Variants in PEX5L observed in about 807,000 individuals in gnomAD.
PEX5L encodes PEX5-related protein.
A neutral mutation model predicts 84.0 loss-of-function variants in PEX5L; 30 were observed. The observed-to-expected ratio is 0.36, with a 90% confidence interval of 0.27 to 0.48. PEX5L has a LOEUF of 0.48. Among genes scored for constraint, PEX5L ranks in the 20% least tolerant of loss-of-function variants. PEX5L has a pLI of 0.99. For missense variants in PEX5L, 533 were observed against 754.6 expected (o/e 0.71, Z 3.44); for synonymous variants, 270 against 283.1 (o/e 0.95, Z 0.46).
chr3:179,819,485 G>T (rs144555749), intron 9 of PEX5L, among the ~76,000 whole-genome samples: 93 of 152,258 alleles, frequency 6.1e-4, no homozygotes, highest in African/African-American at 2.1e-3. Flanking sequence ...CACTTCTGTT[G>T]TTGGTAAATC....
At chr3:179,850,030 T>G (rs564566265) in intron 8 of PEX5L, among the ~76,000 whole-genome samples, 1 of 152,200 alleles carries the variant, frequency 6.6e-6, no homozygotes, top group African/African-American at 2.4e-5. Context: ...CAACTACCCA[T>G]AATTCTGACC....
chr3:179,950,001 A>C (rs965404267), intron 2 of PEX5L, among the ~76,000 whole-genome samples: 2 of 152,106 alleles, frequency 1.3e-5, no homozygotes, highest in African/African-American at 4.8e-5. Flanking sequence ...TTCCCCCACC[A>C]TCAGCCTTTG....
chr3:179,812,183 A>G (rs1436068299), intron 10 of PEX5L, among the ~76,000 whole-genome samples: 1 of 152,228 alleles, frequency 6.6e-6, no homozygotes, highest in African/African-American at 2.4e-5. Flanking sequence ...ATAAATATAT[A>G]AAATTATACG....
At position 179,798,391 on chromosome 3, in the gene PEX5L, T is replaced by A. The variant is rs1480079271; in HGVS notation, c.*3437A>T. 1 of 152,190 alleles carries A rather than the reference T, an allele frequency of 6.6e-6. No homozygotes were observed. Among genetic ancestry groups the A allele is most frequent in the African/African-American group, 2.4e-5 (1 of 41,434 alleles). 9.4% of individuals were successfully genotyped at this position (152,190 alleles called of 1,614,324 possible). A position where few individuals can be genotyped will look rare whatever the true frequency, so the allele number is the denominator to read the frequency against. On this transcript the variant is annotated 3_prime_UTR_variant, in exon 15 of 15. Coordinates refer to ENST00000467460, the MANE Select transcript of PEX5L (RefSeq NM_016559.3). ...AGTAAAGGGAATGAATCAGTATGAT[T>A]GGCCCAGTGAGAGGGATTTTTATTC... is the stretch of plus-strand genomic sequence containing the variant.
At chr3:179,843,119 C>CT (rs36008731) in intron 8 of PEX5L, among the ~76,000 whole-genome samples, 4 of 152,108 alleles carry the variant, frequency 2.6e-5, no homozygotes, top group Non-Finnish European at 4.4e-5. Flanking sequence ...TTGGAATATT[C>CT]TTTTTTAGTG....
rs565537408 is a variant in PEX5L at position 179,888,333 on chromosome 3, A to C, written c.199-549T>G. 49 of 314,026 alleles carry C rather than the reference A, an allele frequency of 1.6e-4. No homozygotes were observed. The East Asian group carries it at 3.7e-3, about 23-fold the overall frequency. 19.5% of individuals were successfully genotyped at this position (314,026 alleles called of 1,614,324 possible). A position where few individuals can be genotyped will look rare whatever the true frequency, so the allele number is the denominator to read the frequency against. On this transcript the variant is annotated intron_variant, in intron 3 of 14. Transcript: ENST00000467460. The stretch of plus-strand genomic sequence containing the variant: ...TTTCCTTGGAATGCTTTTGTATTAC[A>C]TAACAAATATTATTTTGGGAGAGTA...
At chr3:179,982,908 G>T (rs1786463611) in intron 1 of PEX5L, among the ~76,000 whole-genome samples, 1 of 151,780 alleles carries the variant, frequency 6.6e-6, no homozygotes, top group East Asian at 1.9e-4. Context: ...AATGATCAAA[G>T]TATCATTTTT....
intron 8 of PEX5L, among the ~76,000 whole-genome samples, chr3:179,826,728 T>C (rs1164410498): frequency 6.6e-6 from 1 of 152,162 alleles, no homozygotes; most frequent in Non-Finnish European, 1.5e-5. Flanking sequence ...CCTGAATGGG[T>C]TTCTTTTTCT....
chr3:179,950,756 G>A (rs529644531), intron 2 of PEX5L, among the ~76,000 whole-genome samples: 8 of 152,312 alleles, frequency 5.3e-5, no homozygotes, highest in African/African-American at 1.9e-4. Context: ...GGCACTGCAC[G>A]TAAGTCCCAA....
At position 179,797,605 on chromosome 3, in the gene PEX5L, A is replaced by AATATATATATATAT. The variant is rs568586727; in HGVS notation, c.*4209_*4222dup. On this transcript the variant is annotated 3_prime_UTR_variant, in exon 15 of 15. Coordinates refer to ENST00000467460, the MANE Select transcript of PEX5L (RefSeq NM_016559.3). ...AACACTCTTTAAAAAAAAAAAAAAA[A>AATATATATATATAT]ATATATATATATATATATATATATA... 3.4e-5 allele frequency: 3 copies of AATATATATATATAT among 89,174 alleles called. No homozygotes were observed. The highest frequency in any genetic ancestry group is 1.4e-4 in the African/African-American group (3 of 22,200). 5.5% of individuals were successfully genotyped at this position (89,174 alleles called of 1,614,324 possible). A position where few individuals can be genotyped will look rare whatever the true frequency, so the allele number is the denominator to read the frequency against.
intron 8 of PEX5L, among the ~76,000 whole-genome samples, chr3:179,856,927 G>A (rs1202368532): frequency 6.6e-6 from 1 of 152,236 alleles, no homozygotes; most frequent in East Asian, 1.9e-4. Context: ...AACTAAAGTA[G>A]AATGAACAAG....
intron 1 of PEX5L, among the ~76,000 whole-genome samples, chr3:180,027,915 T>C (rs1791111115): frequency 6.6e-6 from 1 of 152,180 alleles, no homozygotes; most frequent in African/African-American, 2.4e-5. Context: ...TTTCTCATAA[T>C]TAGACTCAGG....
intron 1 of PEX5L, chr3:179,973,942 A>G (rs1326078044): frequency 3.0e-6 from 3 of 985,398 alleles, no homozygotes; most frequent in Non-Finnish European, 3.6e-6. Flanking sequence ...GAATTAAGCA[A>G]TATTTTCTAG....
intron 2 of PEX5L, among the ~76,000 whole-genome samples, chr3:179,951,585 T>G (rs1196221682): frequency 6.6e-6 from 1 of 152,220 alleles, no homozygotes; most frequent in Non-Finnish European, 1.5e-5. Context: ...TTTTAGAATA[T>G]GAGGACTAGG....
At chr3:179,917,037 TAAA>T (rs1467493619) in intron 2 of PEX5L, among the ~76,000 whole-genome samples, 1 of 116,432 alleles carries the variant, frequency 8.6e-6, no homozygotes, top group Non-Finnish European at 1.9e-5. Context: ...TGTATGGCTG[TAAA>T]AAAATATATT....
At chr3:179,953,615 A>G (rs1779697241) in intron 2 of PEX5L, among the ~76,000 whole-genome samples, 1 of 152,190 alleles carries the variant, frequency 6.6e-6, no homozygotes. Flanking sequence ...GGGCTGTATC[A>G]TTCATAAGTG....
In PEX5L at chr3:179,802,408, C is replaced by A. The variant is rs1301183724; in HGVS notation, c.1677-376G>T. ...AAAATAGCCAGGTGTAGTGGCATGC[C>A]CCTGTAATCCCAGCTACTAGGGAGG... On this transcript the variant is annotated intron_variant, in intron 14 of 14. Coordinates refer to ENST00000467460, the MANE Select transcript of PEX5L (RefSeq NM_016559.3). Among the ~76,000 whole-genome samples the A allele has an allele frequency of 4.6e-5, 7 of 151,096 alleles. No individual in the cohort carries two copies. The East Asian group carries it at 1.4e-3, about 29-fold the overall frequency.
chr3:179,875,173 A>T (rs1751921927), intron 6 of PEX5L, among the ~76,000 whole-genome samples, 181 bp downstream of exon 6: 1 of 151,700 alleles, frequency 6.6e-6, no homozygotes, highest in African/African-American at 2.4e-5. Context: ...ACTGAGTTGC[A>T]TTGATTTTTG....
chr3:179,914,095 T>C (rs1766143951), intron 2 of PEX5L, among the ~76,000 whole-genome samples: 1 of 152,206 alleles, frequency 6.6e-6, no homozygotes, highest in Non-Finnish European at 1.5e-5. Context: ...ATTGATGTTT[T>C]AGATAGCAGA....
Sources: allele counts gnomAD v4.1 joint callset (sites outside exome capture counted in the v4.1 genomes callset), GRCh38; gene constraint gnomAD v4.1.1; transcripts MANE v1.5; gene names NCBI Gene and HGNC (gene_info 2026-07-23, HGNC 2026-07-21).